KHDRBS2: variants seen among roughly 807,000 people sequenced by gnomAD.
KHDRBS2 encodes the protein KH domain-containing, RNA-binding, signal transduction-associated protein 2.
KHDRBS2 carries 26 observed loss-of-function variants against 44.3 expected under a neutral mutation model. The observed-to-expected ratio is 0.59, with a 90% CI of 0.43 to 0.81. The LOEUF (loss-of-function observed/expected upper bound fraction) is 0.81. KHDRBS2 is among the 40% of genes least tolerant of loss of function. The pLI is 0.00. For missense variants in KHDRBS2, 476 were observed against 433.1 expected (o/e 1.10, Z -0.88); for synonymous variants, 194 against 151.1 (o/e 1.28, Z -2.08).
chr6:61,871,956 TAGGGG>T (rs1798727698), intron 6 of KHDRBS2, among the ~76,000 whole-genome samples: 1 of 66,736 alleles, frequency 1.5e-5, no homozygotes, highest in African/African-American at 5.8e-5. Context: ...GGTGGGGGGG[TAGGGG>T]AGAGATAGCA....
chr6:62,161,468 T>C (rs1817603233), intron 2 of KHDRBS2, among the ~76,000 whole-genome samples: 1 of 149,314 alleles, frequency 6.7e-6, no homozygotes, highest in African/African-American at 2.5e-5. Context: ...TTATTATGAG[T>C]AACCTAGATA....
At chr6:61,976,131 C>G (rs1772597147) in intron 4 of KHDRBS2, among the ~76,000 whole-genome samples, 1 of 152,136 alleles carries the variant, frequency 6.6e-6, no homozygotes, top group Admixed American at 6.6e-5. Context: ...TGCATCTTGA[C>G]TGTGGGGTAT....
At chr6:62,085,029 T>C (rs1798138296) in intron 2 of KHDRBS2, among the ~76,000 whole-genome samples, 1 of 152,116 alleles carries the variant, frequency 6.6e-6, no homozygotes, top group Non-Finnish European at 1.5e-5. Context: ...AATGGCACCA[T>C]AAAATTATCT....
chr6:61,713,580 G>C (rs1429520254), intron 7 of KHDRBS2, among the ~76,000 whole-genome samples: 2 of 120,888 alleles, frequency 1.7e-5, no homozygotes, highest in Admixed American at 1.6e-4. Context: ...GATACCTTTA[G>C]CTTTTTTTTT....
chr6:62,161,581 G>C (rs1215069482), intron 2 of KHDRBS2, among the ~76,000 whole-genome samples: 17 of 126,392 alleles, frequency 1.3e-4, no homozygotes, highest in Non-Finnish European at 2.3e-4. Flanking sequence ...TGCGGGGGGG[G>C]GGGGGGTCCC....
chr6:61,719,979 C>A (rs1248716816), intron 7 of KHDRBS2, among the ~76,000 whole-genome samples: 1 of 152,000 alleles, frequency 6.6e-6, no homozygotes, highest in Non-Finnish European at 1.5e-5. Context: ...CTTCCTGTGT[C>A]CATGTGTTCT....
chr6:61,663,817 C>T, the KHDRBS2 span, among the ~76,000 whole-genome samples: 3 of 151,446 alleles, frequency 2.0e-5, no homozygotes, highest in Admixed American at 6.6e-5. Flanking sequence ...CACTTGAAAA[C>T]TAAGTTTAAT....
intron 2 of KHDRBS2, among the ~76,000 whole-genome samples, chr6:62,137,225 T>A (rs1811768427): frequency 1.3e-5 from 2 of 151,994 alleles, no homozygotes; most frequent in South Asian, 4.1e-4. Context: ...ATAGTCTTGA[T>A]CTCCTGACCT....
At chr6:62,054,707 TG>T (rs1789871059) in intron 2 of KHDRBS2, among the ~76,000 whole-genome samples, 1 of 151,924 alleles carries the variant, frequency 6.6e-6, no homozygotes, top group African/African-American at 2.4e-5. Flanking sequence ...TTCTATTAGG[TG>T]GAAAAGTCAG....
chr6:61,609,783 A>G, the KHDRBS2 span, among the ~76,000 whole-genome samples: 56 of 152,348 alleles, frequency 3.7e-4, no homozygotes, highest in South Asian at 4.6e-3. Flanking sequence ...CAAGCAGTCA[A>G]TTCTAGCAGT....
At chr6:61,774,140 G>T (rs1315245647) in intron 6 of KHDRBS2, among the ~76,000 whole-genome samples, 5 of 151,970 alleles carry the variant, frequency 3.3e-5, no homozygotes, top group Admixed American at 6.6e-5. Context: ...CTTTTTTGGT[G>T]CCATATGAAC....
At chr6:62,213,030 A>AG (rs1829348537) in intron 1 of KHDRBS2, among the ~76,000 whole-genome samples, 1 of 152,190 alleles carries the variant, frequency 6.6e-6, no homozygotes, top group Non-Finnish European at 1.5e-5. Context: ...GTGTAAAAAA[A>AG]GCTATTCAGA....
At chr6:61,716,704 A>G (rs2127553246) in intron 7 of KHDRBS2, among the ~76,000 whole-genome samples, 3 of 152,146 alleles carry the variant, frequency 2.0e-5, no homozygotes, top group Admixed American at 2.0e-4. Context: ...ATTCACAAAC[A>G]TTCCTGATTC....
At chr6:61,941,701 A>G (rs1387424586) in intron 4 of KHDRBS2, among the ~76,000 whole-genome samples, 1 of 152,164 alleles carries the variant, frequency 6.6e-6, no homozygotes, top group Non-Finnish European at 1.5e-5. Context: ...TACTGCATGG[A>G]CACAGAATCA....
chr6:62,086,837 C>A (rs1467475062), intron 2 of KHDRBS2, among the ~76,000 whole-genome samples: 1 of 151,758 alleles, frequency 6.6e-6, no homozygotes, highest in East Asian at 1.9e-4. Flanking sequence ...AAGAGCAATG[C>A]AGCCACTATA....
At chr6:61,988,409 G>A (rs1775475326) in intron 3 of KHDRBS2, among the ~76,000 whole-genome samples, 1 of 152,184 alleles carries the variant, frequency 6.6e-6, no homozygotes, top group Non-Finnish European at 1.5e-5. Context: ...CAATATGGGA[G>A]TACACTTATC....
intron 1 of KHDRBS2, among the ~76,000 whole-genome samples, chr6:62,181,091 G>A: frequency 6.6e-6 from 1 of 151,002 alleles, no homozygotes; most frequent in Non-Finnish European, 1.5e-5. Flanking sequence ...AATTGTAAGA[G>A]TCCTGGAAGA....
At chr6:62,164,407 C>T (rs961188387) in intron 2 of KHDRBS2, among the ~76,000 whole-genome samples, 9 of 151,838 alleles carry the variant, frequency 5.9e-5, no homozygotes, top group Admixed American at 4.6e-4. Context: ...CTACATAGAA[C>T]CAATTTTTCT....
chr6:62,048,031 TACAA>T, intron 2 of KHDRBS2, 37 bp from the exon 3 acceptor site: 1 of 1,126,984 alleles, frequency 8.9e-7, no homozygotes, highest in Non-Finnish European at 1.4e-6. Context: ...TGTTTTAAGG[TACAA>T]TAAAGTGATT....
Sources: gnomAD v4.1 joint callset for allele counts (sites outside exome capture counted in the v4.1 genomes callset) on GRCh38, gnomAD v4.1.1 for gene constraint, MANE v1.5 for transcripts, NCBI Gene and HGNC (gene_info 2026-07-23, HGNC 2026-07-21) for gene names.